The following TMEM132C variants were observed in gnomAD, a reference collection of about 807,000 sequenced individuals.
The protein encoded by TMEM132C is transmembrane protein 132C.
Under a neutral mutation model 61.4 loss-of-function variants are expected in TMEM132C, and 29 were observed. That is an observed-to-expected ratio of 0.47 (90% CI 0.35 to 0.64). The LOEUF is 0.64. Ranked by LOEUF, TMEM132C falls within the 30% of genes least tolerant of loss-of-function variation. The pLI, the probability that TMEM132C is intolerant of heterozygous loss-of-function variation, is 0.00. For missense variants in TMEM132C, 1,408 were observed against 1,476.9 expected, an observed-to-expected ratio of 0.95 and a Z score of 0.76; for synonymous variants, 656 against 633.1, an observed-to-expected ratio of 1.04 and a Z score of -0.54.
At chr12:128,407,909 T>G (rs1875403396) in intron 1 of TMEM132C, among the ~76,000 whole-genome samples, 1 of 152,094 alleles carries the variant, frequency 6.6e-6, no homozygotes. Flanking sequence ...TCTATTGTTA[T>G]TATGCTACAT....
At chr12:128,282,920 A>G (rs1870944058) in intron 1 of TMEM132C, among the ~76,000 whole-genome samples, 1 of 152,162 alleles carries the variant, frequency 6.6e-6, no homozygotes, top group Non-Finnish European at 1.5e-5. Context: ...ATCGGGTTGC[A>G]TGGGATTTAA....
intron 2 of TMEM132C, among the ~76,000 whole-genome samples, chr12:128,439,768 G>T (rs1460596619): frequency 6.6e-6 from 1 of 152,028 alleles, no homozygotes; most frequent in Non-Finnish European, 1.5e-5. Flanking sequence ...CAAAGGGAGG[G>T]CACAATTGGA....
intron 4 of TMEM132C, among the ~76,000 whole-genome samples, chr12:128,666,079 G>A (rs1458784960): frequency 9.9e-6 from 1 of 100,904 alleles, no homozygotes; most frequent in African/African-American, 4.1e-5. Flanking sequence ...AAACACACAG[G>A]CACACACACA....
intron 2 of TMEM132C, among the ~76,000 whole-genome samples, chr12:128,423,695 C>T (rs780001990): frequency 4.0e-5 from 6 of 151,740 alleles, no homozygotes; most frequent in Non-Finnish European, 7.4e-5. Flanking sequence ...CATAGCGAGA[C>T]CCTGTCTCTT....
At chr12:128,664,695 G>A (rs561817735) in intron 4 of TMEM132C, among the ~76,000 whole-genome samples, 1 of 152,282 alleles carries the variant, frequency 6.6e-6, no homozygotes, top group South Asian at 2.1e-4. Context: ...CAGAGGAAAG[G>A]CAGCTAGCAG....
At chr12:128,312,848 T>G (rs1328020317) in intron 1 of TMEM132C, among the ~76,000 whole-genome samples, 2 of 152,214 alleles carry the variant, frequency 1.3e-5, no homozygotes, top group Admixed American at 6.5e-5. Context: ...TGATGCACAC[T>G]CAGTGAAATC....
chr12:128,394,870 G>T (rs934023781), intron 1 of TMEM132C, among the ~76,000 whole-genome samples: 1 of 142,160 alleles, frequency 7.0e-6, no homozygotes, highest in Non-Finnish European at 1.5e-5. Context: ...CATGTTAATT[G>T]CACAGCTAAT....
At chr12:128,621,661 A>T (rs1192307053) in intron 4 of TMEM132C, among the ~76,000 whole-genome samples, 1 of 152,120 alleles carries the variant, frequency 6.6e-6, no homozygotes, top group African/African-American at 2.4e-5. Flanking sequence ...GAGCCCTGGG[A>T]CACAATGCAT....
rs1177409112 is a variant in TMEM132C, at chr12:128,706,321, C to T, written c.*26C>T. On this transcript the variant is annotated 3_prime_UTR_variant, in exon 9 of 9. Coordinates refer to ENST00000435159, the MANE Select transcript of TMEM132C (RefSeq NM_001136103.3). Reference sequence around the variant, plus strand: ...GCCCCTCTAGCCAAAGGGCCCTGCCCAGATGCCTTCCTTGTACTGGAAACT... The same window carrying T: ...GCCCCTCTAGCCAAAGGGCCCTGCCTAGATGCCTTCCTTGTACTGGAAACT... 6.8e-6 allele frequency: 10 copies of T among 1,479,248 alleles called. No individual in the cohort carries two copies. The highest frequency in any genetic ancestry group is 1.4e-5 in the South Asian group (1 of 72,970). The allele number at this position is 1,479,248 out of a possible 1,614,324, so 91.6% of individuals were successfully genotyped here.
chr12:128,504,810 G>C (rs1872302529), intron 2 of TMEM132C, among the ~76,000 whole-genome samples: 1 of 144,452 alleles, frequency 6.9e-6, no homozygotes, highest in Admixed American at 6.9e-5. Context: ...CATGAATTTA[G>C]GTGGGGGTGG....
chr12:128,655,740 C>T (rs926760857), intron 4 of TMEM132C, among the ~76,000 whole-genome samples: 2 of 152,034 alleles, frequency 1.3e-5, no homozygotes, highest in Non-Finnish European at 2.9e-5. Context: ...CCTGCCATTC[C>T]CAAACTGCAA....
At chr12:128,618,024 G>A (rs760010318) in intron 4 of TMEM132C, among the ~76,000 whole-genome samples, 1 of 152,170 alleles carries the variant, frequency 6.6e-6, no homozygotes, top group South Asian at 2.1e-4. Flanking sequence ...AAATGGTCCT[G>A]TCTAGCTTCT....
chr12:128,682,628 A>C (rs1277688802), intron 5 of TMEM132C, among the ~76,000 whole-genome samples: 1 of 152,206 alleles, frequency 6.6e-6, no homozygotes, highest in African/African-American at 2.4e-5. Flanking sequence ...AAATCAGAAA[A>C]CGGATGCAAG....
intron 4 of TMEM132C, among the ~76,000 whole-genome samples, chr12:128,624,004 G>A (rs1405439266): frequency 6.6e-6 from 1 of 152,190 alleles, no homozygotes; most frequent in African/African-American, 2.4e-5. Flanking sequence ...TAAGGTAGGA[G>A]GAGGGCCCAG....
At chr12:128,678,198 G>T (rs1954609083) in intron 5 of TMEM132C, among the ~76,000 whole-genome samples, 1 of 152,168 alleles carries the variant, frequency 6.6e-6, no homozygotes, top group South Asian at 2.1e-4. Context: ...AAGAAACTCT[G>T]GAAGGTCTTT....
chr12:128,310,501 G>T (rs1206753366), intron 1 of TMEM132C, among the ~76,000 whole-genome samples: 7 of 152,068 alleles, frequency 4.6e-5, no homozygotes, highest in South Asian at 2.1e-4. Context: ...GGGTGGGGGG[G>T]TTTGCCACAC....
chr12:128,679,111 G>A (rs184058697), intron 5 of TMEM132C, among the ~76,000 whole-genome samples: 5 of 152,306 alleles, frequency 3.3e-5, no homozygotes, highest in East Asian at 3.9e-4. Context: ...CAGGTGACAC[G>A]CCTGGCACAT....
rs373187283 is a variant in TMEM132C, at chr12:128,318,108, A to C, written c.85+50621A>C. Among the ~76,000 whole-genome samples, 14 of 152,310 alleles carry C rather than the reference A, an allele frequency of 9.2e-5. No homozygotes were observed. The East Asian group carries it at 2.5e-3, about 27-fold the overall frequency. On this transcript the variant is annotated intron_variant, in intron 1 of 8. Coordinates refer to ENST00000435159, the MANE Select transcript of TMEM132C (RefSeq NM_001136103.3). Reference sequence around the variant, plus strand: ...TCGGCTTTGAGGACATGGTGGTGAAAAAAACAGACACGGATCTCACCCTAA... The same window carrying C: ...TCGGCTTTGAGGACATGGTGGTGAACAAAACAGACACGGATCTCACCCTAA...
At chr12:128,693,729 A>C in intron 5 of TMEM132C, 100 bp from the exon 6 acceptor site, 1 of 1,333,912 alleles carries the variant, frequency 7.5e-7, no homozygotes, top group Non-Finnish European at 1.0e-6. Flanking sequence ...AACCAGAAAT[A>C]AGCATTTGTG....
Sources: gnomAD v4.1 joint callset for allele counts (sites outside exome capture counted in the v4.1 genomes callset) on GRCh38, gnomAD v4.1.1 for gene constraint, MANE v1.5 for transcripts, NCBI Gene and HGNC (gene_info 2026-07-23, HGNC 2026-07-21) for gene names.